BANK1: variants seen among roughly 807,000 people sequenced by gnomAD.
BANK1 encodes B cell scaffold protein with ankyrin repeats 1, also known as B-cell scaffold protein with ankyrin repeats.
A neutral mutation model predicts 94.5 loss-of-function variants in BANK1; 95 were observed. The ratio of observed to expected loss-of-function variants is 1.00; its 90% CI spans 0.85 to 1.19. The LOEUF is 1.19. BANK1 is among the 50% of genes most tolerant of loss of function. The pLI is 0.00. For missense variants in BANK1, 987 were observed against 932.2 expected, an observed-to-expected ratio of 1.06 and a Z score of -0.77; for synonymous variants, 334 against 308.4, an observed-to-expected ratio of 1.08 and a Z score of -0.87.
chr4:101,927,592 A>T (rs1320841715), intron 7 of BANK1, among the ~76,000 whole-genome samples: 7 of 151,762 alleles, frequency 4.6e-5, no homozygotes. Flanking sequence ...AGACAACCAG[A>T]AGTGGTTAGG....
At chr4:101,967,415 G>C (rs1274040417) in intron 7 of BANK1, among the ~76,000 whole-genome samples, 1 of 152,008 alleles carries the variant, frequency 6.6e-6, no homozygotes, top group Non-Finnish European at 1.5e-5. Context: ...ATTATAATGG[G>C]ATGGTGTCTG....
chr4:101,952,261 T>C (rs1724188260), intron 7 of BANK1, among the ~76,000 whole-genome samples: 1 of 152,064 alleles, frequency 6.6e-6, no homozygotes, highest in Admixed American at 6.6e-5. Flanking sequence ...TAAAAATGGC[T>C]TGGTTATATG....
At chr4:101,888,101 CCTTT>C (rs1728921588) in intron 5 of BANK1, among the ~76,000 whole-genome samples, 1 of 152,104 alleles carries the variant, frequency 6.6e-6, no homozygotes, top group African/African-American at 2.4e-5. Context: ...AATGAGATGA[CCTTT>C]CTTTTACTAG....
chr4:101,972,115 C>T (rs1463376614), intron 7 of BANK1, among the ~76,000 whole-genome samples: 1 of 151,902 alleles, frequency 6.6e-6, no homozygotes, highest in Non-Finnish European at 1.5e-5. Context: ...AACCCGTGAA[C>T]GTGGGATGTC....
intron 13 of BANK1, among the ~76,000 whole-genome samples, chr4:102,064,931 A>T (rs1055706018): frequency 1.3e-5 from 2 of 152,198 alleles, no homozygotes; most frequent in African/African-American, 4.8e-5. Context: ...TGGGTCTCTG[A>T]GAGCAGGTGG....
intron 1 of BANK1, among the ~76,000 whole-genome samples, chr4:101,798,299 A>C (rs1725228456): frequency 6.6e-6 from 1 of 152,200 alleles, no homozygotes; most frequent in Non-Finnish European, 1.5e-5. Context: ...TGTGGCATCA[A>C]GGAAAGGATT....
intron 2 of BANK1, among the ~76,000 whole-genome samples, chr4:101,849,813 A>G (rs1309204086): frequency 1.3e-5 from 2 of 152,126 alleles, no homozygotes; most frequent in Admixed American, 6.5e-5. Flanking sequence ...TCATTTATTT[A>G]CTTTGGAAAA....
chr4:102,013,054 CT>C (rs1486254059), intron 7 of BANK1, among the ~76,000 whole-genome samples: 1 of 152,042 alleles, frequency 6.6e-6, no homozygotes, highest in Non-Finnish European at 1.5e-5. Context: ...CCTCTATAGA[CT>C]TTTATTAACA....
At chr4:101,838,633 A>T (rs921618081) in intron 2 of BANK1, among the ~76,000 whole-genome samples, 1 of 152,200 alleles carries the variant, frequency 6.6e-6, no homozygotes, top group African/African-American at 2.4e-5. Context: ...TTATTATAAA[A>T]TATCTAGTTC....
intron 6 of BANK1, among the ~76,000 whole-genome samples, chr4:101,917,373 T>C (rs1362789714): frequency 1.3e-5 from 2 of 151,982 alleles, no homozygotes; most frequent in Non-Finnish European, 2.9e-5. Flanking sequence ...AATAAATATC[T>C]TCTAATTGAT....
chr4:102,018,893 A>G (rs1280915551), intron 7 of BANK1, among the ~76,000 whole-genome samples: 1 of 145,460 alleles, frequency 6.9e-6, no homozygotes, highest in African/African-American at 2.6e-5. Flanking sequence ...ATCTCGGCTC[A>G]CTGCAACCTC....
intron 7 of BANK1, among the ~76,000 whole-genome samples, chr4:101,974,443 C>T (rs1725057288): frequency 6.6e-6 from 1 of 152,108 alleles, no homozygotes; most frequent in African/African-American, 2.4e-5. Flanking sequence ...TCAGTTTAAT[C>T]ACTAGAGCAG....
intron 7 of BANK1, among the ~76,000 whole-genome samples, chr4:101,957,499 A>T (rs1420669938): frequency 6.6e-6 from 1 of 152,216 alleles, no homozygotes; most frequent in African/African-American, 2.4e-5. Context: ...CTATGAGTCC[A>T]CAAAGACTCA....
chr4:101,819,234 G>T (rs188923477), intron 1 of BANK1, among the ~76,000 whole-genome samples: 81 of 152,230 alleles, frequency 5.3e-4, no homozygotes, highest in African/African-American at 1.6e-3. Context: ...TGAGTATTCT[G>T]AGTATTATTT....
Position 101,965,147 on chromosome 4 carries a change from A to C in BANK1, c.1206+46958A>C, listed in dbSNP as rs572738322. ...TCCATGGTGTATATGTGCCACATAAAGAACAGACACACAAAATACTGACCT... is the reference window on the plus strand; with the variant it reads ...TCCATGGTGTATATGTGCCACATAACGAACAGACACACAAAATACTGACCT... On this transcript the variant is annotated intron_variant, in intron 7 of 16. Transcript: ENST00000322953. Among the ~76,000 whole-genome samples, 14 of 152,052 alleles carry C rather than the reference A, an allele frequency of 9.2e-5. No individual in the cohort carries two copies. The South Asian group carries it at 2.9e-3, about 32-fold the overall frequency.
At chr4:101,817,999 C>T (rs959964786) in intron 1 of BANK1, among the ~76,000 whole-genome samples, 3 of 152,110 alleles carry the variant, frequency 2.0e-5, no homozygotes, top group African/African-American at 7.2e-5. Flanking sequence ...GGTTCCTGAA[C>T]TTCAATATGG....
At chr4:101,955,821 C>A (rs1353715972) in intron 7 of BANK1, among the ~76,000 whole-genome samples, 1 of 152,108 alleles carries the variant, frequency 6.6e-6, no homozygotes, top group Admixed American at 6.6e-5. Flanking sequence ...CATCCAAGTT[C>A]CATCAATTAG....
intron 5 of BANK1, among the ~76,000 whole-genome samples, chr4:101,882,539 T>C (rs572804563): frequency 6.6e-6 from 1 of 152,340 alleles, no homozygotes; most frequent in African/African-American, 2.4e-5. Flanking sequence ...TTCAAAAGAC[T>C]GCATATTGTT....
At chr4:101,957,970 G>T (rs138432481) in intron 7 of BANK1, among the ~76,000 whole-genome samples, 2 of 150,570 alleles carry the variant, frequency 1.3e-5, no homozygotes, top group South Asian at 4.2e-4. Context: ...TCAGCCTCCC[G>T]AGTAGCTGGG....
Sources: allele counts gnomAD v4.1 joint callset (sites outside exome capture counted in the v4.1 genomes callset), GRCh38; gene constraint gnomAD v4.1.1; transcripts MANE v1.5; gene names NCBI Gene and HGNC (gene_info 2026-07-23, HGNC 2026-07-21).